LY86: variants seen among roughly 807,000 people sequenced by gnomAD.
LY86 encodes the protein lymphocyte antigen 86, also known as MD-1, RP105-associated.
A neutral mutation model predicts 17.3 loss-of-function variants in LY86; 20 were observed. The observed-to-expected ratio is 1.15, with a 90% CI of 0.81 to 1.68. The LOEUF (loss-of-function observed/expected upper bound fraction) is 1.68. LY86 is among the 40% of genes most tolerant of loss of function. The probability of loss-of-function intolerance (pLI) is 0.00; values close to 1 mark genes in which losing one functional copy is unlikely to be tolerated. For synonymous variants in LY86, 74 were observed against 70.6 expected (o/e 1.05, Z -0.24); for missense variants, 200 against 191.9 (o/e 1.04, Z -0.25).
chr6:6,651,778 A>G (rs1762190109), intron 4 of LY86, among the ~76,000 whole-genome samples: 1 of 152,104 alleles, frequency 6.6e-6, no homozygotes, highest in East Asian at 1.9e-4. Flanking sequence ...TTGAGAGGCC[A>G]GGCACAGTGC....
intron 3 of LY86, among the ~76,000 whole-genome samples, chr6:6,637,631 G>A (rs530207942): frequency 6.6e-6 from 1 of 152,250 alleles, no homozygotes; most frequent in East Asian, 1.9e-4. Context: ...TCACCCACTT[G>A]GATCCCAGAG....
At chr6:6,643,316 A>T (rs1217220124) in intron 3 of LY86, among the ~76,000 whole-genome samples, 1 of 152,224 alleles carries the variant, frequency 6.6e-6, no homozygotes, top group African/African-American at 2.4e-5. Context: ...CTATACACAC[A>T]ATGGAATATG....
intron 1 of LY86, among the ~76,000 whole-genome samples, chr6:6,618,410 A>T (rs188210733): frequency 1.2e-4 from 18 of 147,140 alleles, no homozygotes; most frequent in Admixed American, 1.1e-3. Context: ...TGTCAATAAA[A>T]AGGCTTATTA....
At chr6:6,605,861 T>C (rs36013551) in intron 1 of LY86, among the ~76,000 whole-genome samples, 136,168 of 151,972 alleles carry the variant, frequency 0.9, 61,057 homozygotes, top group Middle Eastern at 0.96. Context: ...TAAGGGGGCA[T>C]CTGGAGCTCT....
rs1375098805 is a variant in LY86 at position 6,603,652 on chromosome 6, CACAG to C, written c.136+14784_136+14787del. Among the ~76,000 whole-genome samples, 1,029 of 138,288 alleles carry C rather than the reference CACAG, an allele frequency of 7.4e-3. 17 individuals carry two copies. Among genetic ancestry groups the C allele is most frequent in the Admixed American group, 0.021 (295 of 13,874 alleles). The allele number at this position is 138,288 out of a possible 152,430, so 90.7% of individuals were successfully genotyped here. A position where few individuals can be genotyped will look rare whatever the true frequency, so the allele number is the denominator to read the frequency against. On this transcript the variant is annotated intron_variant, in intron 1 of 4. Transcript: ENST00000230568. Reference sequence around the variant, plus strand: ...AACAAAACACACACACACACACACACACAGAGTGGAAAACCAACAGTGAAGTTGT... The same window carrying C: ...AACAAAACACACACACACACACACACAGTGGAAAACCAACAGTGAAGTTGT...
intron 3 of LY86, among the ~76,000 whole-genome samples, chr6:6,630,149 CT>C (rs531742017): frequency 6.3e-4 from 96 of 152,256 alleles, no homozygotes; most frequent in African/African-American, 2.2e-3. Flanking sequence ...TGCAAGGTTA[CT>C]CTTTTAAGTG....
At chr6:6,623,864 C>T (rs1052288034) in intron 1 of LY86, among the ~76,000 whole-genome samples, 1 of 152,166 alleles carries the variant, frequency 6.6e-6, no homozygotes, top group African/African-American at 2.4e-5. Flanking sequence ...GAAACCAGCT[C>T]TGGCCTTTAA....
intron 1 of LY86, among the ~76,000 whole-genome samples, chr6:6,612,146 T>TAG (rs1162921816): frequency 1.3e-5 from 2 of 151,540 alleles, no homozygotes; most frequent in Admixed American, 6.6e-5. Context: ...CTAAGATTGA[T>TAG]AGATGTGTCC....
chr6:6,654,272 C>T (rs904310391), intron 4 of LY86, among the ~76,000 whole-genome samples: 1 of 152,214 alleles, frequency 6.6e-6, no homozygotes, highest in African/African-American at 2.4e-5. Context: ...TGCCTTGACC[C>T]ATCCAGTGCT....
At chr6:6,644,646 G>A (rs368677750) in intron 3 of LY86, among the ~76,000 whole-genome samples, 8 of 135,258 alleles carry the variant, frequency 5.9e-5, no homozygotes, top group African/African-American at 2.4e-4. Context: ...CCAAAGATCT[G>A]GGTCAAAAAA....
chr6:6,612,259 G>C (rs886521737), intron 1 of LY86, among the ~76,000 whole-genome samples: 1 of 152,128 alleles, frequency 6.6e-6, no homozygotes, highest in Non-Finnish European at 1.5e-5. Flanking sequence ...TCCTTCTGAT[G>C]TTCAGATGTG....
chr6:6,606,047 G>A (rs992635311), intron 1 of LY86, among the ~76,000 whole-genome samples: 9 of 152,202 alleles, frequency 5.9e-5, no homozygotes, highest in East Asian at 1.9e-4. Flanking sequence ...ACTCAAGCAG[G>A]TTACTGCTGC....
At chr6:6,602,321 G>A (rs1337365664) in intron 1 of LY86, among the ~76,000 whole-genome samples, 1 of 152,174 alleles carries the variant, frequency 6.6e-6, no homozygotes, top group Non-Finnish European at 1.5e-5. Flanking sequence ...TTGATAACTA[G>A]CAGACCCAAA....
chr6:6,637,887 T>C (rs2113153327), intron 3 of LY86, among the ~76,000 whole-genome samples: 1 of 152,352 alleles, frequency 6.6e-6, no homozygotes, highest in East Asian at 1.9e-4. Context: ...TTATAAGTCG[T>C]ATTTTGAATG....
At chr6:6,609,847 T>TAA (rs1301777289) in intron 1 of LY86, among the ~76,000 whole-genome samples, 2 of 145,400 alleles carry the variant, frequency 1.4e-5, no homozygotes, top group Non-Finnish European at 3.1e-5. Flanking sequence ...CATTAAAATT[T>TAA]AAAAAAAAAA....
chr6:6,605,508 C>G (rs145606127), intron 1 of LY86, among the ~76,000 whole-genome samples: 8 of 152,218 alleles, frequency 5.3e-5, no homozygotes, highest in Non-Finnish European at 8.8e-5. Context: ...AGTGCCTTGC[C>G]ATGGGGGGTC....
chr6:6,635,803 C>A (rs554577944), intron 3 of LY86, among the ~76,000 whole-genome samples: 11 of 152,304 alleles, frequency 7.2e-5, no homozygotes, highest in South Asian at 2.1e-4. Flanking sequence ...ATCTATAGAG[C>A]CATGGAGGGA....
chr6:6,588,893 T>C (rs1760437020), intron 1 of LY86, 23 bp downstream of exon 1: 1 of 1,609,470 alleles, frequency 6.2e-7, no homozygotes, highest in African/African-American at 1.3e-5. Context: ...AGTACACCCA[T>C]GTGTGTTTAT....
intron 1 of LY86, among the ~76,000 whole-genome samples, chr6:6,606,839 G>T (rs1475258040): frequency 4.6e-5 from 7 of 152,266 alleles, no homozygotes; most frequent in Non-Finnish European, 1.0e-4. Context: ...GAGGGAGCGG[G>T]CTCCGGCCTT....
Sources: allele counts gnomAD v4.1 joint callset (sites outside exome capture counted in the v4.1 genomes callset), GRCh38; gene constraint gnomAD v4.1.1; transcripts MANE v1.5; gene names NCBI Gene and HGNC (gene_info 2026-07-23, HGNC 2026-07-21).